Variants in KAZN observed in about 807,000 individuals in gnomAD.
KAZN encodes kazrin.
KAZN carries 40 observed loss-of-function variants against 87.4 expected under a neutral mutation model. The observed-to-expected ratio is 0.46, with a 90% CI of 0.36 to 0.60. The LOEUF is 0.60. Ranked by LOEUF, KAZN falls within the 20% of genes least tolerant of loss-of-function variation. The pLI is 0.00. For synonymous variants in KAZN, 466 were observed against 458.3 expected, an observed-to-expected ratio of 1.02 and a Z score of -0.22; for missense variants, 898 against 1,073.9, an observed-to-expected ratio of 0.84 and a Z score of 2.29.
intron 2 of KAZN, among the ~76,000 whole-genome samples, chr1:14,312,050 G>A (rs1340241012): frequency 6.6e-6 from 1 of 152,112 alleles, no homozygotes; most frequent in Non-Finnish European, 1.5e-5. Flanking sequence ...CATGTTTGGA[G>A]AGCTGGTCTG....
At chr1:14,924,621 A>G in intron 1 of KAZN, 1 of 967,544 alleles carries the variant, frequency 1.0e-6, no homozygotes, top group Non-Finnish European at 1.2e-6. Context: ...ACACAGGCCC[A>G]GGAGCCGCCG....
chr1:13,920,722 T>A (rs564216392), intron 1 of KAZN, among the ~76,000 whole-genome samples: 1 of 152,020 alleles, frequency 6.6e-6, no homozygotes, highest in Non-Finnish European at 1.5e-5. Context: ...ATGTCTCTGG[T>A]TGGAGGGGAG....
At chr1:14,039,332 C>T (rs2050171) in intron 1 of KAZN, among the ~76,000 whole-genome samples, 1 of 152,228 alleles carries the variant, frequency 6.6e-6, no homozygotes, top group Non-Finnish European at 1.5e-5. Context: ...GAGCTGCCCT[C>T]TTATCAAGGC....
In KAZN at chr1:14,223,274, G is replaced by A. The variant is rs1309304043; in HGVS notation, c.249+42682G>A. ...AGATGGCAGCCTGAAATGGTTGTTA[G>A]CATCAAGTTCTTTTGAAAATGCTTA... On this transcript the variant is annotated intron_variant, in intron 2 of 16. Transcript: ENST00000636203. 2.0e-4 allele frequency among the ~76,000 whole-genome samples: 31 copies of A among 152,202 alleles called. 1 individual carries two copies. The highest frequency in any genetic ancestry group is 2.0e-3 in the Admixed American group (31 of 15,272).
At chr1:14,452,042 C>T (rs1186028063) in intron 2 of KAZN, among the ~76,000 whole-genome samples, 2 of 152,172 alleles carry the variant, frequency 1.3e-5, no homozygotes, top group Admixed American at 6.6e-5. Flanking sequence ...TGGATTCTAG[C>T]GATTCTCCTG....
At chr1:14,499,690 T>C (rs564772293) in intron 2 of KAZN, among the ~76,000 whole-genome samples, 6 of 152,364 alleles carry the variant, frequency 3.9e-5, no homozygotes, top group African/African-American at 1.4e-4. Flanking sequence ...GCTGAGCTCC[T>C]GATGAGTTAC....
intron 12 of KAZN, 53 bp downstream of exon 12, chr1:15,103,513 GCAAATCTAT>G: frequency 8.5e-7 from 1 of 1,171,626 alleles, no homozygotes; most frequent in South Asian, 1.3e-5. Flanking sequence ...CAAACCCCAT[GCAAATCTAT>G]ATGCAAATCA....
chr1:14,051,676 C>T (rs1642335419), intron 1 of KAZN, among the ~76,000 whole-genome samples: 1 of 151,984 alleles, frequency 6.6e-6, no homozygotes, highest in African/African-American at 2.4e-5. Context: ...CCTGTCTCCA[C>T]AAAAACTACA....
chr1:13,917,797 CAAAAAAAA>C (rs35268955), intron 1 of KAZN, among the ~76,000 whole-genome samples: 1 of 77,970 alleles, frequency 1.3e-5, no homozygotes, highest in Admixed American at 1.4e-4. Context: ...CCTGTGTCAT[CAAAAAAAA>C]AAAAAAAAAA....
chr1:14,826,581 C>A (rs1027588831), intron 1 of KAZN, among the ~76,000 whole-genome samples: 6 of 152,212 alleles, frequency 3.9e-5, no homozygotes, highest in Non-Finnish European at 7.3e-5. Flanking sequence ...CCTTCTCAGC[C>A]TCGGTCCCGC....
At chr1:14,726,602 T>C (rs183494290) in intron 1 of KAZN, among the ~76,000 whole-genome samples, 1 of 152,370 alleles carries the variant, frequency 6.6e-6, no homozygotes, top group Admixed American at 6.5e-5. Flanking sequence ...GCAAAGATTA[T>C]GGTGTCCCCT....
intron 1 of KAZN, among the ~76,000 whole-genome samples, chr1:14,905,913 A>G (rs1382167145): frequency 8.0e-5 from 12 of 150,354 alleles, no homozygotes; most frequent in Admixed American, 8.0e-4. Context: ...TCATGCCTGT[A>G]ATCACAGCAC....
At chr1:14,733,944 C>T (rs1046224826) in intron 1 of KAZN, among the ~76,000 whole-genome samples, 1 of 152,218 alleles carries the variant, frequency 6.6e-6, no homozygotes, top group Non-Finnish European at 1.5e-5. Flanking sequence ...CCCGGCACAC[C>T]ATAGGGCTGC....
chr1:14,629,830 C>T (rs1557849316), intron 1 of KAZN, among the ~76,000 whole-genome samples: 1 of 152,080 alleles, frequency 6.6e-6, no homozygotes, highest in Non-Finnish European at 1.5e-5. Flanking sequence ...TAAACTAAAA[C>T]CTAAGGAAGC....
rs545327768 is a variant in KAZN at position 14,144,022 on chromosome 1, A to G, written c.92-36413A>G. 8.6e-5 allele frequency among the ~76,000 whole-genome samples: 13 copies of G among 152,022 alleles called. No homozygotes were observed. In the East Asian group the frequency reaches 1.2e-3, roughly 14 times the overall value. On this transcript the variant is annotated intron_variant, in intron 1 of 16. Coordinates refer to the KAZN transcript ENST00000636203. ...CATGAGTCACCGCACCTGGCCAACT[A>G]GTTTTCTATTAATCTATCAGCAGTT...
At chr1:14,999,501 T>TCCCCCC (rs1049861453) in intron 2 of KAZN, among the ~76,000 whole-genome samples, 8 of 74,670 alleles carry the variant, frequency 1.1e-4, no homozygotes, top group African/African-American at 5.2e-4. Context: ...CCTGCCCCCC[T>TCCCCCC]CCCCCCGCCC....
Position 15,094,532 on chromosome 1 carries a change from A to G in KAZN, c.1428+147A>G. ...AGCCAATGCAATCAGCCTCTGATGT[A>G]CCTGCTCATTGTGCCTCCCTGGCAA... On this transcript the variant is annotated intron_variant, in intron 9 of 14. Coordinates refer to ENST00000376030, the MANE Select transcript of KAZN (RefSeq NM_201628.3). The surrounding 1 kb of genome is among the most constrained non-coding windows in gnomAD (Gnocchi z 4.5). 1 of 771,248 alleles carries G rather than the reference A, an allele frequency of 1.3e-6. No homozygotes were observed. The highest frequency in any genetic ancestry group is 2.1e-6 in the Non-Finnish European group (1 of 481,966). The allele number at this position is 771,248 out of a possible 1,614,324, so 47.8% of individuals were successfully genotyped here.
rs114960308 is a variant in KAZN, at chr1:14,550,931, C to T, written c.250-48052C>T. On this transcript the variant is annotated intron_variant, in intron 2 of 16. Transcript: ENST00000636203. ...TCTCTCCCCAGACAACTCTTCTCCC[C>T]GGCAGTCTCCCCTCAATCCTTGTAA... 5.9e-3 allele frequency among the ~76,000 whole-genome samples: 898 copies of T among 151,624 alleles called. 11 individuals carry two copies. The highest frequency in any genetic ancestry group is 0.021 in the African/African-American group (870 of 41,258).
intron 1 of KAZN, among the ~76,000 whole-genome samples, chr1:14,129,255 A>G (rs1398841705): frequency 1.3e-5 from 2 of 152,196 alleles, no homozygotes; most frequent in Non-Finnish European, 1.5e-5. Context: ...GCCAGATAAT[A>G]CAGAAGCCGG....
Sources: allele counts gnomAD v4.1 joint callset (sites outside exome capture counted in the v4.1 genomes callset), GRCh38; gene constraint gnomAD v4.1.1; non-coding constraint Gnocchi (gnomAD v3.1); transcripts MANE v1.5; gene names NCBI Gene and HGNC (gene_info 2026-07-23, HGNC 2026-07-21).